EPPK1: variants seen among roughly 807,000 people sequenced by gnomAD.
EPPK1 encodes the protein epiplakin.
For missense variants in EPPK1, 3,823 were observed against 3,673.3 expected (o/e 1.04, Z -1.05); for synonymous variants, 1,862 against 1,721.2 (o/e 1.08, Z -2.03).
chr8:143,859,720 C>T lies in EPPK1; in HGVS notation c.13534G>A (p.Ala4512Thr). The T allele has an allele frequency of 2.4e-6, 2 of 821,672 alleles. No individual in the cohort carries two copies. Among genetic ancestry groups the T allele is most frequent in the Non-Finnish European group, 3.5e-6 (2 of 572,074 alleles). The allele number at this position is 821,672 out of a possible 1,614,324, so 50.9% of individuals were successfully genotyped here. A position where few individuals can be genotyped will look rare whatever the true frequency, so the allele number is the denominator to read the frequency against. Residue 4512 changes from alanine to threonine, a missense_variant, in exon 2 of 2, where the codon GCC becomes ACC. Ala to Thr is a moderately conservative substitution (Grantham distance 58). Transcript: ENST00000615648. ...YFDEEMNRVL[A>T]HPSDDTKGFF... ...CCCTTGGTGTCGTCGCTGGGGTGGGCCAGGACACGGTTCATCTCCTCGTCG... is the reference window on the plus strand; with the variant it reads ...CCCTTGGTGTCGTCGCTGGGGTGGGTCAGGACACGGTTCATCTCCTCGTCG...
chr8:143,870,079 GGA>G lies in EPPK1; in HGVS notation c.3173_3174del (p.Leu1058ProfsTer12), dbSNP rs781923645. The G allele has an allele frequency of 1.9e-6, 3 of 1,610,742 alleles. No individual in the cohort carries two copies. The South Asian group carries it at 3.3e-5, about 18-fold the overall frequency. ...CCACGCTGAATGGCCACTGGCATGG[GGA>G]GGTGGTGGTGGCTGGTGGGGTCAAT... is the stretch of plus-strand genomic sequence containing the variant. The part of the protein sequence containing the change: ...GIIDPTSHHH[L>X]PMPVAIQRGY... On this transcript the variant is annotated frameshift_variant, in exon 2 of 2. Transcript: ENST00000615648. LOFTEE classifies it low-confidence loss of function (END_TRUNC). This position sits in a 1 kb window ranked among gnomAD's most constrained non-coding sequence, Gnocchi z 5.2.
chr8:143,866,848 T>A lies in EPPK1; in HGVS notation c.6406A>T (p.Lys2136Ter). Residue 2136 changes from lysine (K) to a stop codon, truncating the protein, a stop_gained, in exon 2 of 2, where the codon AAG (lysine) becomes TAG (stop). Coordinates refer to ENST00000615648, the MANE Select transcript of EPPK1 (RefSeq NM_031308.4). LOFTEE classifies it low-confidence loss of function (END_TRUNC). ...LNSEYVTEEK[K>*]LQLVRMYRTH... ...CTATACATCCTCACCAGCTGGAGCTTCTTCTCCTCTGTCACGTATTCGGAA... is the reference window on the plus strand; with the variant it reads ...CTATACATCCTCACCAGCTGGAGCTACTTCTCCTCTGTCACGTATTCGGAA... 1 of 1,613,352 alleles carries A rather than the reference T, an allele frequency of 6.2e-7. No individual in the cohort carries two copies. The highest frequency in any genetic ancestry group is 8.5e-7 in the Non-Finnish European group (1 of 1,179,828).
Position 143,870,598 on chromosome 8 carries a change from G to T in EPPK1, c.2656C>A (p.Arg886=). 1 of 1,608,226 alleles carries T rather than the reference G, an allele frequency of 6.2e-7. No homozygotes were observed. The highest frequency in any genetic ancestry group is 8.5e-7 in the Non-Finnish European group (1 of 1,178,246). ...ADIMLPALRS[R]VTVHQLLEAG... is the part of the protein sequence containing the mutation. ...TCCAGGAGCTGGTGGACGGTGACCC[G>T]GCTCCGCAGTGCGGGCAGCATGATG... Residue 886 remains arginine, a synonymous_variant, in exon 2 of 2, where the codon CGG becomes AGG. Transcript: ENST00000615648. The surrounding 1 kb of genome is among the most constrained non-coding windows in gnomAD (Gnocchi z 5.2).
At chr8:143,876,835 TC>T (rs1224661370) in intron 1 of EPPK1, among the ~76,000 whole-genome samples, 1 of 148,642 alleles carries the variant, frequency 6.7e-6, no homozygotes, top group East Asian at 2.0e-4. Context: ...GCACCTGATT[TC>T]CCAGCAAGGG....
chr8:143,866,805 G>T lies in EPPK1; in HGVS notation c.6449C>A (p.Ala2150Glu). 4 of 1,613,448 alleles carry T rather than the reference G, an allele frequency of 2.5e-6. No individual in the cohort carries two copies. Among genetic ancestry groups the T allele is most frequent in the Non-Finnish European group, 2.5e-6 (3 of 1,179,856 alleles). Residue 2150 changes from alanine (A) to glutamate (E), a missense_variant, in exon 2 of 2, where the codon GCA becomes GAA. Ala to Glu is a moderately radical substitution (Grantham distance 107). Coordinates refer to ENST00000615648, the MANE Select transcript of EPPK1 (RefSeq NM_031308.4). ...VRMYRTHTRR[A>E]LQTVAQLILE... is the part of the protein sequence containing the mutation. ...GATGAGCTGCGCTACCGTCTGCAGT[G>T]CCCGTCTGGTGTGTGTTCTATACAT...
chr8:143,868,925 G>A lies in EPPK1; in HGVS notation c.4329C>T (p.Asp1443=), dbSNP rs782295975. ...CCCTCAGAGCCACCGCGGTGTGGTC[G>A]TCCACCTCAAGCACTGTGTCTGAGG... is the stretch of plus-strand genomic sequence containing the variant. The part of the protein sequence containing the change: ...PLPSDTVLEV[D]DHTAVALRAM... The change falls in exon 2 of 2, where the codon GAC becomes GAT. Residue 1443 remains aspartate (D), a synonymous_variant. Coordinates refer to ENST00000615648, the MANE Select transcript of EPPK1 (RefSeq NM_031308.4). The A allele has an allele frequency of 6.7e-5, 108 of 1,610,750 alleles. 1 individual carries two copies. Among genetic ancestry groups the A allele is most frequent in the South Asian group, 4.1e-4 (37 of 91,084 alleles).
intron 1 of EPPK1, among the ~76,000 whole-genome samples, chr8:143,874,891 C>T (rs1391135750): frequency 1.2e-4 from 18 of 152,246 alleles, no homozygotes; most frequent in South Asian, 4.2e-4. Context: ...CCCACTCCAC[C>T]GCTCTTGAGG....
rs782198518 is a variant in EPPK1, at chr8:143,873,080, G to A, written c.174C>T (p.Tyr58=). The change falls in exon 2 of 2, where the codon TAC becomes TAT. Residue 58 remains tyrosine, a synonymous_variant. Transcript: ENST00000615648. ...VEASGQAQSV[Y]AAMEQGLLPA... is the part of the protein sequence containing the mutation. ...GCAGGAGGCCCTGCTCCATGGCGGC[G>A]TAGACACTCTGGGCCTGGCCCGAGG... 9.0e-6 allele frequency: 14 copies of A among 1,555,488 alleles called. No individual in the cohort carries two copies. The highest frequency in any genetic ancestry group is 2.4e-5 in the South Asian group (2 of 84,588).
In EPPK1 at chr8:143,868,626, G is replaced by A. The variant is rs373737061; in HGVS notation, c.4628C>T (p.Thr1543Met). Residue 1543 changes from threonine (T) to methionine (M), a missense_variant, in exon 2 of 2, where the codon ACG becomes ATG. Physicochemically the swap from Thr to Met is moderately conservative, Grantham distance 81. Transcript: ENST00000615648. The part of the protein sequence containing the change: ...LFRAQLISRK[T>M]LDELSQGTTT... Reference sequence around the variant, plus strand: ...TGTCCCCTGGCTCAGCTCGTCCAGCGTCTTCCTGCTGATCAGCTGCGCCCT... The same window carrying A: ...TGTCCCCTGGCTCAGCTCGTCCAGCATCTTCCTGCTGATCAGCTGCGCCCT... The A allele has an allele frequency of 2.0e-4, 315 of 1,597,020 alleles. 1 individual carries two copies. The highest frequency in any genetic ancestry group is 1.5e-3 in the East Asian group (66 of 44,042).
rs782690280 is a variant in EPPK1, at chr8:143,857,973, C to A, written c.*14G>T. ...TTCTCCAGAGTTGCAGAAAACTGCA[C>A]GGAGGAAGCCCAGTCACTGTAGAGA... On this transcript the variant is annotated 3_prime_UTR_variant, in exon 2 of 2. Transcript: ENST00000615648. 2 of 1,536,448 alleles carry A rather than the reference C, an allele frequency of 1.3e-6. No individual in the cohort carries two copies. Among genetic ancestry groups the A allele is most frequent in the East Asian group, 2.3e-5 (1 of 43,818 alleles).
chr8:143,878,478 C>A (rs1819535096), upstream of EPPK1: 1 of 147,450 alleles, frequency 6.8e-6, no homozygotes, highest in Admixed American at 6.8e-5. Flanking sequence ...TCCGCGCGCC[C>A]GCTCCGCCCG....
chr8:143,870,562 T>C lies in EPPK1; in HGVS notation c.2692A>G (p.Ile898Val). Residue 898 changes from isoleucine to valine, a missense_variant, in exon 2 of 2, where the codon ATT becomes GTT. Physicochemically the swap from Ile to Val is conservative, Grantham distance 29. Transcript: ENST00000615648. The surrounding 1 kb of genome is among the most constrained non-coding windows in gnomAD (Gnocchi z 5.2). ...ACTTGGTCCAACAGCTGCTGGTCAA[T>C]GATACCGGCCTCCAGGAGCTGGTGG... is the stretch of plus-strand genomic sequence containing the variant. ...TVHQLLEAGI[I>V]DQQLLDQVLA... 6.2e-7 allele frequency: 1 copy of C among 1,611,756 alleles called. No homozygotes were observed. The highest frequency in any genetic ancestry group is 8.5e-7 in the Non-Finnish European group (1 of 1,179,490).
chr8:143,866,286 T>C lies in EPPK1; in HGVS notation c.6968A>G (p.Gln2323Arg). ...GACGATGAGGTCCTTCTGCATGGCC[T>C]GGAAGAGGGAGATCTGCTGCCCGGT... Reference protein sequence around the residue: ...PYTGQQISLFQAMQKDLIVRE... With the variant: ...PYTGQQISLFRAMQKDLIVRE... Residue 2323 changes from glutamine to arginine, a missense_variant, in exon 2 of 2, where the codon CAG (glutamine) becomes CGG (arginine). Physicochemically the swap from Gln to Arg is conservative, Grantham distance 43. Coordinates refer to ENST00000615648, the MANE Select transcript of EPPK1 (RefSeq NM_031308.4). 2.0e-6 allele frequency: 1 copy of C among 503,550 alleles called. No individual in the cohort carries two copies. Among genetic ancestry groups the C allele is most frequent in the East Asian group, 3.0e-5 (1 of 32,886 alleles). 31.2% of individuals were successfully genotyped at this position (503,550 alleles called of 1,614,324 possible). A position where few individuals can be genotyped will look rare whatever the true frequency, so the allele number is the denominator to read the frequency against.
In EPPK1 at chr8:143,869,276, C is replaced by A; in HGVS notation, c.3978G>T (p.Gly1326=). 6.2e-7 allele frequency: 1 copy of A among 1,605,748 alleles called. No individual in the cohort carries two copies. The highest frequency in any genetic ancestry group is 1.3e-5 in the African/African-American group (1 of 74,932). ...AGGCCCTAGAGTAGGGATCTGGGTACCCGGCCGCCGCCCTCTCGGCCTGCC... is the reference window on the plus strand; with the variant it reads ...AGGCCCTAGAGTAGGGATCTGGGTAACCGGCCGCCGCCCTCTCGGCCTGCC... ...QLGQAERAAA[G]YPDPYSRASL... Residue 1326 remains glycine, a synonymous_variant, in exon 2 of 2, where the codon GGG becomes GGT. Coordinates refer to ENST00000615648, the MANE Select transcript of EPPK1 (RefSeq NM_031308.4).
In EPPK1 at chr8:143,873,225, G is replaced by A. The variant is rs1349315796; in HGVS notation, c.29C>T (p.Pro10Leu). Residue 10 changes from proline to leucine, a missense_variant, in exon 2 of 2, where the codon CCC becomes CTC. Pro to Leu is a moderately conservative substitution (Grantham distance 98). Coordinates refer to ENST00000615648, the MANE Select transcript of EPPK1 (RefSeq NM_031308.4). ...CTCTGTGCTGTTGGTGCCTGGGACG[G>A]GAAGAGGAGGCAAGGTGTGGCCACT... MSGHTLPPL[P>L]VPGTNSTEQA... The A allele has an allele frequency of 1.9e-6, 3 of 1,575,274 alleles. No individual in the cohort carries two copies. In the East Asian group the frequency reaches 6.7e-5, roughly 35 times the overall value.
rs1554662630 is a variant in EPPK1 at position 143,878,422 on chromosome 8, G to GCCGCACCTGC, written c.-46+15_-46+16insGCAGGTGCGG. ...CGCACCCGCCGCACCCGCCGCACCC[G>GCCGCACCTGC]CCGCACCCGCCGCACCTGCCCGCTC... On this transcript the variant is annotated intron_variant, in intron 1 of 1. Coordinates refer to ENST00000615648, the MANE Select transcript of EPPK1 (RefSeq NM_031308.4). 6.3e-5 allele frequency: 6 copies of GCCGCACCTGC among 95,404 alleles called. No individual in the cohort carries two copies. In the South Asian group the frequency reaches 6.9e-4, roughly 11 times the overall value. 5.9% of individuals were successfully genotyped at this position (95,404 alleles called of 1,614,324 possible).
At position 143,867,361 on chromosome 8, in the gene EPPK1, GCAGCTCCTCGTTCACCAGGCC is replaced by G; in HGVS notation, c.5872_5892del (p.Gly1958_Leu1964del). ...CTTTCAGCCTTCAGGAGCCTCTCCC[GCAGCTCCTCGTTCACCAGGCC>G]CACATCCACAGCCTCATCCACAGAG... On this transcript the variant is annotated inframe_deletion, in exon 2 of 2. Transcript: ENST00000615648. 6.2e-7 allele frequency: 1 copy of G among 1,612,872 alleles called. No homozygotes were observed. Among genetic ancestry groups the G allele is most frequent in the Non-Finnish European group, 8.5e-7 (1 of 1,179,852 alleles).
chr8:143,872,851 G>GA lies in EPPK1; in HGVS notation c.402dup (p.Gln135SerfsTer38), dbSNP rs1819401777. On this transcript the variant is annotated frameshift_variant, in exon 2 of 2. Coordinates refer to ENST00000615648, the MANE Select transcript of EPPK1 (RefSeq NM_031308.4). LOFTEE classifies it low-confidence loss of function (END_TRUNC). ...TCCACAACCTCCTTCCCGATGGCCTGAAAGAGGGCCAGCTTCTCACCGCCG... is the reference window on the plus strand; with the variant it reads ...TCCACAACCTCCTTCCCGATGGCCTGAAAAGAGGGCCAGCTTCTCACCGCCG... The GA allele has an allele frequency of 1.3e-6, 2 of 1,567,136 alleles. No individual in the cohort carries two copies. The highest frequency in any genetic ancestry group is 2.7e-5 in the African/African-American group (2 of 73,480).
At chr8:143,873,371 G>A in intron 1 of EPPK1, 73 bp from the exon 2 acceptor site, 1 of 1,141,746 alleles carries the variant, frequency 8.8e-7, no homozygotes, top group Non-Finnish European at 1.2e-6. Context: ...GCGGTCATGG[G>A]GCAATCCCAT....
Sources: gnomAD v4.1 joint callset for allele counts (sites outside exome capture counted in the v4.1 genomes callset) on GRCh38, gnomAD v4.1.1 for gene constraint, Gnocchi (gnomAD v3.1) non-coding constraint, MANE v1.5 for transcripts, NCBI Gene and HGNC (gene_info 2026-07-23, HGNC 2026-07-21) for gene names.